The following DCLK3 variants were observed in gnomAD, a reference collection of about 807,000 sequenced individuals.
The protein encoded by DCLK3 is doublecortin like kinase 3, also known as serine/threonine-protein kinase DCLK3.
DCLK3 carries 30 observed loss-of-function variants against 46.4 expected under a neutral mutation model. That is an observed-to-expected ratio of 0.65 (90% CI 0.48 to 0.88). The LOEUF (loss-of-function observed/expected upper bound fraction) is 0.88, where lower values mean the gene tolerates loss of function less well. DCLK3 is among the 40% of genes least tolerant of loss of function. The pLI is 0.00. For missense variants in DCLK3, 846 were observed against 907.1 expected (o/e 0.93, Z 0.87); for synonymous variants, 401 against 339.2 (o/e 1.18, Z -2.00).
chr3:36,735,928 T>C (rs1028854209), intron 2 of DCLK3, among the ~76,000 whole-genome samples: 1 of 152,206 alleles, frequency 6.6e-6, no homozygotes, highest in African/African-American at 2.4e-5. Flanking sequence ...CATGCTGTCA[T>C]GGAACTTTCT....
At chr3:36,741,248 A>G (rs539692894) in intron 1 of DCLK3, among the ~76,000 whole-genome samples, 1 of 152,174 alleles carries the variant, frequency 6.6e-6, no homozygotes, top group Non-Finnish European at 1.5e-5. Flanking sequence ...TGTCAAACGC[A>G]TGTGCACAAA....
rs893953124 is a variant in DCLK3 at position 36,715,074 on chromosome 3, C to A, written c.*254G>T. The A allele has an allele frequency of 1.8e-5, 8 of 436,988 alleles. No individual in the cohort carries two copies. Among genetic ancestry groups the A allele is most frequent in the African/African-American group, 1.4e-4 (7 of 48,540 alleles). 27.1% of individuals were successfully genotyped at this position (436,988 alleles called of 1,614,324 possible). A position where few individuals can be genotyped will look rare whatever the true frequency, so the allele number is the denominator to read the frequency against. ...GGGAAGCAAAACACATCATTATTAC[C>A]AAAATTCCTCACTGATGACAATGCT... On this transcript the variant is annotated 3_prime_UTR_variant, in exon 5 of 5. Coordinates refer to ENST00000636136, the MANE Select transcript of DCLK3 (RefSeq NM_001394672.2).
At chr3:36,722,766 C>A (rs1701078002) in intron 2 of DCLK3, among the ~76,000 whole-genome samples, 1 of 152,180 alleles carries the variant, frequency 6.6e-6, no homozygotes, top group Non-Finnish European at 1.5e-5. Flanking sequence ...TGCCTTCCAC[C>A]ATAATTGTGG....
chr3:36,753,710 C>T (rs1289613912), intron 1 of DCLK3, among the ~76,000 whole-genome samples: 4 of 152,108 alleles, frequency 2.6e-5, no homozygotes, highest in Non-Finnish European at 5.9e-5. Context: ...GGGTCTTCTG[C>T]CTAGACTGGA....
At position 36,714,174 on chromosome 3, in the gene DCLK3, C is replaced by T. The variant is rs1319959763; in HGVS notation, c.*1154G>A. 2 of 152,178 alleles carry T rather than the reference C, an allele frequency of 1.3e-5. No homozygotes were observed. Among genetic ancestry groups the T allele is most frequent in the African/African-American group, 4.8e-5 (2 of 41,454 alleles). The allele number at this position is 152,178 out of a possible 1,614,324, so 9.4% of individuals were successfully genotyped here. ...TTGTGCTTCTTCCATTTTCCAAAAC[C>T]TGATTAAGCAATTCCTTATGTTGAA... On this transcript the variant is annotated 3_prime_UTR_variant, in exon 5 of 5. Coordinates refer to ENST00000636136, the MANE Select transcript of DCLK3 (RefSeq NM_001394672.2).
At chr3:36,724,893 G>A (rs1486533756) in intron 2 of DCLK3, among the ~76,000 whole-genome samples, 4 of 152,094 alleles carry the variant, frequency 2.6e-5, no homozygotes, top group Non-Finnish European at 5.9e-5. Flanking sequence ...CTCATTTGGA[G>A]GGGTGGGGGA....
At chr3:36,745,387 G>A (rs1164798694) in intron 1 of DCLK3, among the ~76,000 whole-genome samples, 1 of 152,120 alleles carries the variant, frequency 6.6e-6, no homozygotes, top group Admixed American at 6.5e-5. Context: ...AATCAAAATT[G>A]CTATAGGACT....
intron 2 of DCLK3, among the ~76,000 whole-genome samples, chr3:36,727,157 C>T (rs1401658286): frequency 2.6e-5 from 4 of 151,992 alleles, no homozygotes; most frequent in African/African-American, 7.3e-5. Flanking sequence ...GGCATGGTGG[C>T]GGGCCCCTGT....
intron 2 of DCLK3, among the ~76,000 whole-genome samples, chr3:36,727,097 A>T (rs1701132893): frequency 6.6e-6 from 1 of 152,154 alleles, no homozygotes; most frequent in Non-Finnish European, 1.5e-5. Flanking sequence ...AGCCCGGCCA[A>T]CATGGTGAAA....
Position 36,747,389 on chromosome 3 carries a change from A to G in DCLK3, c.83-8305T>C, listed in dbSNP as rs897761954. ...TTAACAAAGAATGATAAACTTGTAGAAGTAATAAAACAAAGGGAAAAGGTT... is the reference window on the plus strand; with the variant it reads ...TTAACAAAGAATGATAAACTTGTAGGAGTAATAAAACAAAGGGAAAAGGTT... On this transcript the variant is annotated intron_variant, in intron 1 of 4. Transcript: ENST00000636136. Among the ~76,000 whole-genome samples the G allele has an allele frequency of 2.0e-5, 3 of 152,042 alleles. No individual in the cohort carries two copies. The East Asian group carries it at 5.8e-4, about 29-fold the overall frequency.
At chr3:36,750,347 G>A (rs971273003) in intron 1 of DCLK3, among the ~76,000 whole-genome samples, 12 of 152,178 alleles carry the variant, frequency 7.9e-5, no homozygotes, top group South Asian at 2.1e-4. Context: ...CTCCCAAAGC[G>A]CTGGGATTAC....
chr3:36,754,726 G>A (rs917011228), intron 1 of DCLK3, among the ~76,000 whole-genome samples: 4 of 152,226 alleles, frequency 2.6e-5, no homozygotes, highest in Middle Eastern at 3.4e-3. Flanking sequence ...GAAAACCTAT[G>A]ATTGCTACCA....
intron 1 of DCLK3, among the ~76,000 whole-genome samples, chr3:36,741,259 AGGGCTGG>A (rs1701341482): frequency 3.3e-5 from 5 of 152,174 alleles, no homozygotes; most frequent in Non-Finnish European, 1.5e-5. Context: ...TGTGCACAAA[AGGGCTGG>A]TGTTCTTGTT....
rs112457969 is a variant in DCLK3 at position 36,750,650 on chromosome 3, C to T, written c.83-11566G>A. 8.8e-3 allele frequency among the ~76,000 whole-genome samples: 1,336 copies of T among 152,248 alleles called. 24 individuals carry two copies. The highest frequency in any genetic ancestry group is 0.031 in the African/African-American group (1,279 of 41,528). ...GTGTGGGATGCAAAAGCTGTGTGGG[C>T]GCAGATCTTTGCATTTTAGAACTGC... On this transcript the variant is annotated intron_variant, in intron 1 of 4. Transcript: ENST00000636136.
At chr3:36,723,485 A>T (rs1701086716) in intron 2 of DCLK3, among the ~76,000 whole-genome samples, 1 of 152,304 alleles carries the variant, frequency 6.6e-6, no homozygotes, top group East Asian at 1.9e-4. Flanking sequence ...AGAGGTCTTC[A>T]TGGCACCCCA....
chr3:36,722,266 T>C (rs1003958899), intron 2 of DCLK3, among the ~76,000 whole-genome samples: 1 of 152,160 alleles, frequency 6.6e-6, no homozygotes, highest in African/African-American at 2.4e-5. Context: ...TTAGAAAGAA[T>C]GAATATGACC....
chr3:36,732,449 T>G (rs886385758), intron 2 of DCLK3, among the ~76,000 whole-genome samples: 1 of 152,188 alleles, frequency 6.6e-6, no homozygotes, highest in East Asian at 1.9e-4. Flanking sequence ...GAGCCTGTCT[T>G]ACCAATGTAA....
chr3:36,719,264 C>G (rs1254424446), intron 3 of DCLK3, among the ~76,000 whole-genome samples: 1 of 152,186 alleles, frequency 6.6e-6, no homozygotes, highest in Non-Finnish European at 1.5e-5. Flanking sequence ...GCAATATAGA[C>G]ATTTTCAAAC....
At chr3:36,720,072 G>A (rs758889678) in intron 3 of DCLK3, among the ~76,000 whole-genome samples, 24 of 152,182 alleles carry the variant, frequency 1.6e-4, no homozygotes, top group Non-Finnish European at 2.2e-4. Flanking sequence ...GGGGCCTGGC[G>A]GGAAGTGATT....
Sources: gnomAD v4.1 joint callset for allele counts (sites outside exome capture counted in the v4.1 genomes callset) on GRCh38, gnomAD v4.1.1 for gene constraint, MANE v1.5 for transcripts, NCBI Gene and HGNC (gene_info 2026-07-23, HGNC 2026-07-21) for gene names.